Variants in DSCAML1 observed in about 807,000 individuals in gnomAD.
DSCAML1 encodes the protein cell adhesion molecule DSCAML1.
In DSCAML1, 38 loss-of-function variants were observed where a neutral mutation model predicts 200.5. That is an observed-to-expected ratio of 0.19 (90% CI 0.15 to 0.25). The LOEUF is 0.25. Ranked by LOEUF, DSCAML1 falls within the 10% of genes least tolerant of loss-of-function variation. The probability of loss-of-function intolerance (pLI) is 1.00; values close to 1 mark genes in which losing one functional copy is unlikely to be tolerated. For synonymous variants in DSCAML1, 1,215 were observed against 1,165.0 expected, an observed-to-expected ratio of 1.04 and a Z score of -0.87; for missense variants, 2,223 against 2,858.8, an observed-to-expected ratio of 0.78 and a Z score of 5.07.
intron 3 of DSCAML1, among the ~76,000 whole-genome samples, chr11:117,719,320 A>G (rs2054006870): frequency 6.6e-6 from 1 of 152,172 alleles, no homozygotes; most frequent in African/African-American, 2.4e-5. Flanking sequence ...GCCGGAGGTG[A>G]TGGTGCAAGC....
chr11:117,439,112 C>G, intron 23 of DSCAML1, 129 bp from the exon 24 acceptor site: 1 of 1,346,084 alleles, frequency 7.4e-7, no homozygotes, highest in Non-Finnish European at 1.0e-6. Context: ...CCCAGCTCTC[C>G]TGCCTCCCCT....
intron 15 of DSCAML1, among the ~76,000 whole-genome samples, chr11:117,470,892 G>T (rs187569572): frequency 0.01 from 1,539 of 152,318 alleles, 31 homozygotes; most frequent in South Asian, 0.015. Context: ...AAGAATAGAT[G>T]AAGTATGATG....
At chr11:117,457,652 G>A (rs1388403339) in intron 19 of DSCAML1, among the ~76,000 whole-genome samples, 1 of 152,188 alleles carries the variant, frequency 6.6e-6, no homozygotes, top group Non-Finnish European at 1.5e-5. Context: ...CCTGCTGGAG[G>A]TGGAGAGGGA....
At chr11:117,587,546 G>A (rs1037649055) in intron 3 of DSCAML1, among the ~76,000 whole-genome samples, 1 of 152,066 alleles carries the variant, frequency 6.6e-6, no homozygotes, top group African/African-American at 2.4e-5. Context: ...GACTCCAGAC[G>A]CGGGGACTGC....
chr11:117,640,176 C>T (rs907276605), intron 3 of DSCAML1, among the ~76,000 whole-genome samples: 2 of 152,202 alleles, frequency 1.3e-5, no homozygotes, highest in Admixed American at 6.5e-5. Context: ...TCTCCTTCCT[C>T]CTTCCTCCGT....
chr11:117,593,878 A>AT (rs928869090), intron 3 of DSCAML1, among the ~76,000 whole-genome samples: 7 of 151,480 alleles, frequency 4.6e-5, no homozygotes, highest in Admixed American at 1.3e-4. Flanking sequence ...CACCTGGCTA[A>AT]TTTTTTTTGT....
intron 8 of DSCAML1, among the ~76,000 whole-genome samples, chr11:117,506,675 G>C (rs2510852): frequency 0.11 from 16,635 of 149,186 alleles, 1,116 homozygotes; most frequent in East Asian, 0.25. Context: ...AGCCTCCCAA[G>C]TAGCTGGGAA....
chr11:117,555,329 C>A (rs971426699), intron 3 of DSCAML1, among the ~76,000 whole-genome samples: 4 of 152,198 alleles, frequency 2.6e-5, no homozygotes, highest in Non-Finnish European at 4.4e-5. Context: ...ATGGCAAGTG[C>A]TCAGTAATGA....
chr11:117,777,672 C>T lies in DSCAML1; in HGVS notation c.365-735G>A, dbSNP rs2055153362. ...CTGACCCTGGCTGCAGCCTCTACAG[C>T]ACCCCTCCCTGACCCCCAGACTTGC... On this transcript the variant is annotated intron_variant, in intron 2 of 32. Coordinates refer to ENST00000651296, the MANE Select transcript of DSCAML1 (RefSeq NM_020693.4). 2.0e-5 allele frequency among the ~76,000 whole-genome samples: 3 copies of T among 152,202 alleles called. No homozygotes were observed. In the South Asian group the frequency reaches 6.2e-4, roughly 32 times the overall value.
At chr11:117,667,518 G>A (rs2053003917) in intron 3 of DSCAML1, among the ~76,000 whole-genome samples, 2 of 152,300 alleles carry the variant, frequency 1.3e-5, no homozygotes, top group African/African-American at 2.4e-5. Flanking sequence ...TGGGGGCGGT[G>A]CTCATCTCCT....
At chr11:117,712,849 C>T (rs918157257) in intron 3 of DSCAML1, among the ~76,000 whole-genome samples, 1 of 151,984 alleles carries the variant, frequency 6.6e-6, no homozygotes. Context: ...ATGTCTTCCC[C>T]CCGCCTCTCT....
intron 3 of DSCAML1, among the ~76,000 whole-genome samples, chr11:117,648,963 A>G (rs912185920): frequency 2.0e-5 from 3 of 151,354 alleles, no homozygotes; most frequent in African/African-American, 7.3e-5. Context: ...CTAAATCTTA[A>G]GCATCTACTC....
At chr11:117,665,869 T>C (rs1220621016) in intron 3 of DSCAML1, among the ~76,000 whole-genome samples, 3 of 152,210 alleles carry the variant, frequency 2.0e-5, no homozygotes, top group Non-Finnish European at 4.4e-5. Context: ...CAGGGATCTA[T>C]AGTCAGCCCA....
At chr11:117,718,791 A>G (rs1037240705) in intron 3 of DSCAML1, among the ~76,000 whole-genome samples, 4 of 151,870 alleles carry the variant, frequency 2.6e-5, no homozygotes, top group Middle Eastern at 3.4e-3. Flanking sequence ...TGGAAATTAC[A>G]ATGATGATTA....
rs1592626449 is a variant in DSCAML1, at chr11:117,469,580, C to T, written c.3024+330G>A. On this transcript the variant is annotated intron_variant, in intron 16 of 32. Transcript: ENST00000651296. This position sits in a 1 kb window ranked among gnomAD's most constrained non-coding sequence, Gnocchi z 4.1. ...GGCACAAAATCAAACCTACTTCCAA[C>T]CTTATTACAACATGTGGGGTTTGGA... is the stretch of plus-strand genomic sequence containing the variant. Among the ~76,000 whole-genome samples the T allele has an allele frequency of 1.3e-5, 2 of 152,244 alleles. No homozygotes were observed. Among genetic ancestry groups the T allele is most frequent in the South Asian group, 4.2e-4 (2 of 4,814 alleles).
chr11:117,671,147 G>A (rs1003884306), intron 3 of DSCAML1, among the ~76,000 whole-genome samples: 4 of 152,280 alleles, frequency 2.6e-5, no homozygotes, highest in Non-Finnish European at 4.4e-5. Flanking sequence ...GGCAACCTGC[G>A]CCTGCAGCAG....
intron 3 of DSCAML1, among the ~76,000 whole-genome samples, chr11:117,552,645 G>T (rs557377371): frequency 6.6e-6 from 1 of 152,190 alleles, no homozygotes; most frequent in Non-Finnish European, 1.5e-5. Context: ...ATGCAAGAGG[G>T]TCCTGTAATC....
chr11:117,519,727 G>T (rs1439388203), intron 6 of DSCAML1, among the ~76,000 whole-genome samples: 1 of 152,226 alleles, frequency 6.6e-6, no homozygotes, highest in Non-Finnish European at 1.5e-5. Flanking sequence ...AGCTGAGGCA[G>T]GAGGATTGCT....
chr11:117,505,690 A>G lies in DSCAML1; in HGVS notation c.1826T>C (p.Ile609Thr). The G allele has an allele frequency of 6.2e-7, 1 of 1,613,268 alleles. No individual in the cohort carries two copies. The highest frequency in any genetic ancestry group is 8.5e-7 in the Non-Finnish European group (1 of 1,179,638). ...ACAGGGAATGTAGAGCAGCTGGCCG[A>G]TGGAGGCGGGTGGGAATTCGAAGGG... The part of the protein sequence containing the change: ...IQPFEFPPAS[I>T]GQLLYIPCVV... Residue 609 changes from isoleucine (I) to threonine (T), a missense_variant, in exon 9 of 33, where the codon ATC becomes ACC. Physicochemically the swap from Ile to Thr is moderately conservative, Grantham distance 89. Around this residue, in one of 7 missense-constraint regions of DSCAML1, gnomAD observed 212 missense variants for 368.0 expected, o/e 0.58. Transcript: ENST00000651296. This position sits in a 1 kb window ranked among gnomAD's most constrained non-coding sequence, Gnocchi z 6.7.
Sources: allele counts gnomAD v4.1 joint callset (sites outside exome capture counted in the v4.1 genomes callset), GRCh38; gene constraint gnomAD v4.1.1; regional missense constraint gnomAD v4.1.1; non-coding constraint Gnocchi (gnomAD v3.1); transcripts MANE v1.5; gene names NCBI Gene and HGNC (gene_info 2026-07-23, HGNC 2026-07-21).